Variants in VPS36 observed in about 807,000 individuals in gnomAD.
The protein encoded by VPS36 is vacuolar protein-sorting-associated protein 36.
In VPS36, 31 loss-of-function variants were observed where a neutral mutation model predicts 63.5. That is an observed-to-expected ratio of 0.49 (90% confidence interval 0.37 to 0.66). The LOEUF is 0.66. Ranked by LOEUF, VPS36 falls within the 30% of genes least tolerant of loss-of-function variation. The pLI is 0.00. For synonymous variants in VPS36, 138 were observed against 157.2 expected (o/e 0.88, Z 0.91); for missense variants, 338 against 463.7 (o/e 0.73, Z 2.49).
chr13:52,444,499 C>T (rs1436623541), intron 1 of VPS36, among the ~76,000 whole-genome samples: 1 of 146,900 alleles, frequency 6.8e-6, no homozygotes. Context: ...AATACATATA[C>T]ATATATATGT....
chr13:52,430,955 G>A (rs1212394537), intron 6 of VPS36, among the ~76,000 whole-genome samples: 1 of 151,952 alleles, frequency 6.6e-6, no homozygotes, highest in Non-Finnish European at 1.5e-5. Context: ...GTGAGCTGAG[G>A]ATTTTAAATC....
At chr13:52,449,216 C>T (rs192946809) in intron 1 of VPS36, among the ~76,000 whole-genome samples, 15 of 152,188 alleles carry the variant, frequency 9.9e-5, no homozygotes, top group Non-Finnish European at 2.9e-5. Context: ...TGGTTGCAGG[C>T]GCCTGTAATC....
chr13:52,418,293 G>A (rs374236835), intron 10 of VPS36, among the ~76,000 whole-genome samples: 1 of 140,662 alleles, frequency 7.1e-6, no homozygotes, highest in African/African-American at 2.5e-5. Flanking sequence ...AAAATAAAAA[G>A]AGGCCATGCA....
intron 3 of VPS36, among the ~76,000 whole-genome samples, chr13:52,437,121 A>G (rs1276430859): frequency 6.6e-6 from 1 of 152,084 alleles, no homozygotes; most frequent in Non-Finnish European, 1.5e-5. Flanking sequence ...AAAAAACTCA[A>G]AGTATCCCGG....
intron 8 of VPS36, 57 bp downstream of exon 8, chr13:52,426,932 A>T: frequency 1.7e-6 from 2 of 1,176,860 alleles, no homozygotes; most frequent in Non-Finnish European, 1.2e-6. Context: ...AACCACAAAA[A>T]CCTTACTGCA....
chr13:52,438,986 A>G, intron 3 of VPS36, 112 bp downstream of exon 3: 1 of 896,366 alleles, frequency 1.1e-6, no homozygotes, highest in Non-Finnish European at 1.7e-6. Flanking sequence ...CCTTAGCTTT[A>G]TTCATGCTTT....
At chr13:52,416,176 G>C in intron 12 of VPS36, 83 bp from the exon 13 acceptor site, 1 of 1,281,864 alleles carries the variant, frequency 7.8e-7, no homozygotes, top group Non-Finnish European at 1.1e-6. Flanking sequence ...ATGGTAGGCA[G>C]AATGTATACC....
At position 52,416,066 on chromosome 13, in the gene VPS36, C is replaced by G. The variant is rs1957989928; in HGVS notation, c.1018G>C (p.Glu340Gln). 1 of 1,613,698 alleles carries G rather than the reference C, an allele frequency of 6.2e-7. No homozygotes were observed. Among genetic ancestry groups the G allele is most frequent in the Non-Finnish European group, 8.5e-7 (1 of 1,179,952 alleles). Residue 340 changes from glutamate (E) to glutamine (Q), a missense_variant, in exon 13 of 14, where the codon GAA becomes CAA. Glu to Gln is a conservative substitution (Grantham distance 29). Coordinates refer to ENST00000378060, the MANE Select transcript of VPS36 (RefSeq NM_016075.4). ...ATTCCCACAAGCTTAGCAAACTCTTCTGATGTTAGGGATCCCTTTTCTGAA... is the reference window on the plus strand; with the variant it reads ...ATTCCCACAAGCTTAGCAAACTCTTGTGATGTTAGGGATCCCTTTTCTGAA... Reference protein sequence around the residue: ...TVSEKGSLTSEEFAKLVGMSV... With the variant: ...TVSEKGSLTSQEFAKLVGMSV...
rs186843901 is a variant in VPS36 at position 52,417,159 on chromosome 13, G to A, written c.906-18C>T. ...CACGGAGCCTGAAAACCACAGGTGC[G>A]AGAACAAAGCCAGGAATTATCTAGG... On this transcript the variant is annotated intron_variant, in intron 11 of 13. Transcript: ENST00000378060. 1.6e-3 allele frequency: 2,645 copies of A among 1,610,658 alleles called. 64 individuals are homozygous for A. The Admixed American group carries it at 0.042, about 26-fold the overall frequency.
rs1021472903 is a variant in VPS36, at chr13:52,439,684, A to G, written c.166-516T>C. On this transcript the variant is annotated intron_variant, in intron 2 of 13. Transcript: ENST00000378060. ...GATGGTCTCGATCTCCTGACCTCGT[A>G]GTCCACCTGGCTCGGCCTCCCAAAG... is the stretch of plus-strand genomic sequence containing the variant. 7.9e-5 allele frequency among the ~76,000 whole-genome samples: 12 copies of G among 152,168 alleles called. No individual in the cohort carries two copies. In the East Asian group the frequency reaches 2.3e-3, roughly 30 times the overall value.
intron 6 of VPS36, among the ~76,000 whole-genome samples, chr13:52,428,097 T>C (rs1419454070): frequency 6.6e-6 from 1 of 152,202 alleles, no homozygotes; most frequent in African/African-American, 2.4e-5. Context: ...CTTGTAGATA[T>C]GGTGGCTATC....
In VPS36 at chr13:52,447,157, A is replaced by T. The variant is rs180997943; in HGVS notation, c.96+3342T>A. ...CTCTCAAAGTGCTGGGATTACAGGC[A>T]TGAGCCACCACGCCTGGCCCCATGC... On this transcript the variant is annotated intron_variant, in intron 1 of 13. Coordinates refer to ENST00000378060, the MANE Select transcript of VPS36 (RefSeq NM_016075.4). 7.4e-3 allele frequency among the ~76,000 whole-genome samples: 1,124 copies of T among 152,242 alleles called. 6 individuals are homozygous for T. Among genetic ancestry groups the T allele is most frequent in the African/African-American group, 0.017 (700 of 41,540 alleles).
intron 3 of VPS36, 46 bp downstream of exon 3, chr13:52,439,052 A>G (rs1253059289): frequency 1.3e-6 from 2 of 1,572,198 alleles, no homozygotes; most frequent in Admixed American, 3.4e-5. Context: ...ATAGCATAAC[A>G]GGAAATGTTT....
rs747343772 is a variant in VPS36, at chr13:52,427,227, G to C, written c.529-8C>G. 6.2e-7 allele frequency: 1 copy of C among 1,612,844 alleles called. No homozygotes were observed. The highest frequency in any genetic ancestry group is 8.5e-7 in the Non-Finnish European group (1 of 1,179,408). Reference sequence around the variant, plus strand: ...GCTGAGGTCTTCAAAGGCCTGAAATGAGAAATGAATTTTGGTTGAAATCCA... The same window carrying C: ...GCTGAGGTCTTCAAAGGCCTGAAATCAGAAATGAATTTTGGTTGAAATCCA... On this transcript the variant is annotated splice_region_variant and splice_polypyrimidine_tract_variant and intron_variant, in intron 6 of 13. Coordinates refer to ENST00000378060, the MANE Select transcript of VPS36 (RefSeq NM_016075.4).
chr13:52,438,955 A>T (rs775321500), intron 3 of VPS36, 143 bp downstream of exon 3: 1 of 615,930 alleles, frequency 1.6e-6, no homozygotes, highest in Non-Finnish European at 2.6e-6. Flanking sequence ...CATGTATAAT[A>T]AACAAGGATA....
intron 9 of VPS36, 134 bp from the exon 10 acceptor site, chr13:52,423,773 A>G (rs1195649356): frequency 1.4e-6 from 1 of 713,076 alleles, no homozygotes; most frequent in Admixed American, 2.9e-5. Flanking sequence ...AACTTTATTT[A>G]TACAAAGGAG....
At chr13:52,447,762 G>A (rs1268253985) in intron 1 of VPS36, among the ~76,000 whole-genome samples, 3 of 151,662 alleles carry the variant, frequency 2.0e-5, no homozygotes, top group Non-Finnish European at 2.9e-5. Context: ...GGGTGACACC[G>A]GTGACTGCTA....
chr13:52,416,404 A>T, intron 12 of VPS36: 1 of 252,058 alleles, frequency 4.0e-6, no homozygotes, highest in Non-Finnish European at 7.5e-6. Context: ...GGAATATGTA[A>T]CAAATTCTGA....
In VPS36 at chr13:52,419,398, A is replaced by G. The variant is rs1175572447; in HGVS notation, c.841-1342T>C. On this transcript the variant is annotated intron_variant, in intron 10 of 13. Coordinates refer to ENST00000378060, the MANE Select transcript of VPS36 (RefSeq NM_016075.4). The stretch of plus-strand genomic sequence containing the variant: ...CTATTGCAGAGGAAGGGCTTCCTGA[A>G]CAACTTTATTTATCACAATACAGAG... 1.3e-5 allele frequency among the ~76,000 whole-genome samples: 2 copies of G among 152,236 alleles called. 1 individual carries two copies.
Sources: gnomAD v4.1 joint callset for allele counts (sites outside exome capture counted in the v4.1 genomes callset) on GRCh38, gnomAD v4.1.1 for gene constraint, MANE v1.5 for transcripts, NCBI Gene and HGNC (gene_info 2026-07-23, HGNC 2026-07-21) for gene names.